RANBP2: variants seen among roughly 807,000 people sequenced by gnomAD.
The protein encoded by RANBP2 is RAN binding protein 2, also known as E3 SUMO-protein ligase RanBP2.
A neutral mutation model predicts 303.6 loss-of-function variants in RANBP2; 57 were observed. That is an observed-to-expected ratio of 0.19 (90% confidence interval 0.15 to 0.23). RANBP2 has a LOEUF of 0.23. Among genes scored for constraint, RANBP2 ranks in the 10% least tolerant of loss-of-function variants. The probability of loss-of-function intolerance (pLI) is 1.00; values close to 1 mark genes in which losing one functional copy is unlikely to be tolerated. For synonymous variants in RANBP2, 1,167 were observed against 1,301.5 expected, an observed-to-expected ratio of 0.90 and a Z score of 2.23; for missense variants, 3,138 against 3,780.8, an observed-to-expected ratio of 0.83 and a Z score of 4.46.
At chr2:109,063,410 G>A in the RANBP2 span, among the ~76,000 whole-genome samples, 2 of 152,250 alleles carry the variant, frequency 1.3e-5, no homozygotes, top group African/African-American at 2.4e-5. Context: ...CATCAGCAGC[G>A]CCTGGCTTTG....
At chr2:108,868,542 T>A in the RANBP2 span, among the ~76,000 whole-genome samples, 1 of 152,148 alleles carries the variant, frequency 6.6e-6, no homozygotes, top group Non-Finnish European at 1.5e-5. Flanking sequence ...TTCTGGAGAC[T>A]GTAACACCTA....
the RANBP2 span, among the ~76,000 whole-genome samples, chr2:109,099,351 A>T: frequency 6.6e-6 from 1 of 152,212 alleles, no homozygotes; most frequent in Non-Finnish European, 1.5e-5. Context: ...CAGTCTCTGT[A>T]AACCAGCCAG....
At chr2:109,138,604 G>C in the RANBP2 span, among the ~76,000 whole-genome samples, 1 of 152,204 alleles carries the variant, frequency 6.6e-6, no homozygotes, top group African/African-American at 2.4e-5. Flanking sequence ...CGCTGCTGCT[G>C]GTTCATTCTA....
chr2:108,937,865 C>G, the RANBP2 span, among the ~76,000 whole-genome samples: 2 of 152,136 alleles, frequency 1.3e-5, no homozygotes, highest in Non-Finnish European at 2.9e-5. Flanking sequence ...GGCCCTGAGC[C>G]CTCGGGTGGG....
At chr2:109,407,597 C>T in the RANBP2 span, among the ~76,000 whole-genome samples, 2 of 152,218 alleles carry the variant, frequency 1.3e-5, no homozygotes, top group African/African-American at 2.4e-5. Context: ...GTGCAAACTC[C>T]GGCTCCAGCT....
the RANBP2 span, among the ~76,000 whole-genome samples, chr2:109,717,111 A>C: frequency 6.6e-6 from 1 of 152,238 alleles, no homozygotes; most frequent in Non-Finnish European, 1.5e-5. Context: ...CACAGATGAC[A>C]TGATCTTATA....
chr2:108,943,227 G>C, the RANBP2 span, among the ~76,000 whole-genome samples: 1 of 152,190 alleles, frequency 6.6e-6, no homozygotes, highest in Non-Finnish European at 1.5e-5. Context: ...GCCTTGAGAA[G>C]GGCAAGCTCA....
the RANBP2 span, among the ~76,000 whole-genome samples, chr2:109,307,179 T>A: frequency 6.6e-6 from 1 of 152,254 alleles, no homozygotes; most frequent in East Asian, 1.9e-4. Context: ...CACATTTAGT[T>A]TCCACTGCTG....
chr2:109,577,693 G>A, the RANBP2 span, among the ~76,000 whole-genome samples: 1 of 151,374 alleles, frequency 6.6e-6, no homozygotes, highest in African/African-American at 2.4e-5. Flanking sequence ...TGAGAAGATC[G>A]CTTGAGGCCA....
the RANBP2 span, among the ~76,000 whole-genome samples, chr2:109,342,451 G>A: frequency 6.6e-6 from 1 of 152,176 alleles, no homozygotes; most frequent in Non-Finnish European, 1.5e-5. Flanking sequence ...TGTCCTGATG[G>A]GCTAATTGTG....
chr2:109,497,856 G>C, the RANBP2 span, among the ~76,000 whole-genome samples: 1 of 152,364 alleles, frequency 6.6e-6, no homozygotes, highest in East Asian at 1.9e-4. Context: ...TGAGGCAAAA[G>C]CCAAAACTTG....
At chr2:109,204,748 A>G in the RANBP2 span, among the ~76,000 whole-genome samples, 65 of 152,258 alleles carry the variant, frequency 4.3e-4, no homozygotes, top group South Asian at 2.3e-3. Flanking sequence ...AGACCAAGCC[A>G]ATTATTTTGT....
At chr2:109,250,247 C>T in the RANBP2 span, among the ~76,000 whole-genome samples, 36,861 of 151,926 alleles carry the variant, frequency 0.24, 4,915 homozygotes, top group East Asian at 0.46. Context: ...AACCAAGTTA[C>T]GAGAATGTTT....
At chr2:109,331,678 TTTTATCTATTTTGTTTCTATTTTC>T in the RANBP2 span, among the ~76,000 whole-genome samples, 450 of 152,328 alleles carry the variant, frequency 3.0e-3, 3 homozygotes, top group African/African-American at 0.011. Context: ...GTAGAGATGT[TTTTATCTATTTTGTTTCTATTTTC>T]TTTATCTATT....
chr2:109,259,855 C>T, the RANBP2 span, among the ~76,000 whole-genome samples: 7 of 152,150 alleles, frequency 4.6e-5, no homozygotes, highest in African/African-American at 1.7e-4. Context: ...TTTGGACAGC[C>T]TCTGGGCCGG....
At chr2:108,904,310 C>A in the RANBP2 span, among the ~76,000 whole-genome samples, 4 of 152,154 alleles carry the variant, frequency 2.6e-5, no homozygotes, top group African/African-American at 7.2e-5. Flanking sequence ...AGTAACACCA[C>A]CAAATGCTGG....
chr2:109,455,161 T>A, the RANBP2 span, among the ~76,000 whole-genome samples: 1 of 152,110 alleles, frequency 6.6e-6, no homozygotes, highest in Non-Finnish European at 1.5e-5. Flanking sequence ...GTGCTGACTG[T>A]GGTGGCCTCC....
At chr2:109,478,659 C>T in the RANBP2 span, among the ~76,000 whole-genome samples, 1 of 152,290 alleles carries the variant, frequency 6.6e-6, no homozygotes, top group Middle Eastern at 3.4e-3. Flanking sequence ...TTCCATCCCA[C>T]ACTTGTTTAT....
the RANBP2 span, among the ~76,000 whole-genome samples, chr2:109,137,752 C>A: frequency 6.6e-6 from 1 of 152,232 alleles, no homozygotes; most frequent in African/African-American, 2.4e-5. Flanking sequence ...ACCACCCGTC[C>A]TGATCAGCCG....
Sources: allele counts gnomAD v4.1 joint callset (sites outside exome capture counted in the v4.1 genomes callset), GRCh38; gene constraint gnomAD v4.1.1; transcripts MANE v1.5; gene names NCBI Gene and HGNC (gene_info 2026-07-23, HGNC 2026-07-21).